Variants in TBL1XR1 observed in about 807,000 individuals in gnomAD.
TBL1XR1 encodes F-box-like/WD repeat-containing protein TBL1XR1.
TBL1XR1 carries 5 observed loss-of-function variants against 66.9 expected under a neutral mutation model. The ratio of observed to expected loss-of-function variants is 0.07; its 90% CI spans 0.04 to 0.16. The LOEUF (loss-of-function observed/expected upper bound fraction) is 0.16. Among genes scored for constraint, TBL1XR1 ranks in the 10% least tolerant of loss-of-function variants. TBL1XR1 has a pLI of 1.00. For synonymous variants in TBL1XR1, 210 were observed against 206.0 expected (o/e 1.02, Z -0.17); for missense variants, 238 against 623.2 (o/e 0.38, Z 6.58).
At chr3:177,135,307 C>CTG (rs376418228) in intron 1 of TBL1XR1, among the ~76,000 whole-genome samples, 847 of 72,566 alleles carry the variant, frequency 0.012, 35 homozygotes, top group African/African-American at 0.029. Flanking sequence ...AGGCCGCACT[C>CTG]TGTGTGTGTG....
At chr3:177,071,292 T>G (rs534270814) in intron 2 of TBL1XR1, among the ~76,000 whole-genome samples, 1 of 152,114 alleles carries the variant, frequency 6.6e-6, no homozygotes, top group Non-Finnish European at 1.5e-5. Context: ...ATCACCTGAA[T>G]AGATAGGAAC....
At chr3:177,031,675 C>G (rs1040562731) in intron 14 of TBL1XR1, among the ~76,000 whole-genome samples, 1 of 148,696 alleles carries the variant, frequency 6.7e-6, no homozygotes, top group South Asian at 2.1e-4. Context: ...CCTGTAATCC[C>G]AGCACTTTGG....
chr3:177,148,218 G>T (rs563002700), intron 1 of TBL1XR1, among the ~76,000 whole-genome samples: 2 of 152,312 alleles, frequency 1.3e-5, no homozygotes, highest in East Asian at 1.9e-4. Flanking sequence ...TAAGGATGTT[G>T]AAAGTTTAAG....
chr3:177,110,001 G>T lies in TBL1XR1; in HGVS notation c.-121-11460C>A, dbSNP rs1201298. On this transcript the variant is annotated intron_variant, in intron 1 of 15. Coordinates refer to ENST00000457928, the MANE Select transcript of TBL1XR1 (RefSeq NM_024665.7). The stretch of plus-strand genomic sequence containing the variant: ...GAACACTTCCTTATTCACAAAATAC[G>T]TCATTTATGTTTTAGTTACTCTAAT... Among the ~76,000 whole-genome samples, 621 of 152,048 alleles carry T rather than the reference G, an allele frequency of 4.1e-3. 6 individuals are homozygous for T. The highest frequency in any genetic ancestry group is 0.014 in the African/African-American group (578 of 41,464).
chr3:177,151,395 G>A (rs1253081155), intron 1 of TBL1XR1, among the ~76,000 whole-genome samples: 1 of 152,208 alleles, frequency 6.6e-6, no homozygotes, highest in Non-Finnish European at 1.5e-5. Flanking sequence ...AGTGGGGCCA[G>A]CATTACCACC....
At chr3:177,120,175 C>T (rs1726818833) in intron 1 of TBL1XR1, among the ~76,000 whole-genome samples, 1 of 152,114 alleles carries the variant, frequency 6.6e-6, no homozygotes, top group Non-Finnish European at 1.5e-5. Context: ...TAGGTCTTTA[C>T]CTCCAGTTAT....
intron 1 of TBL1XR1, among the ~76,000 whole-genome samples, chr3:177,126,340 CACA>C (rs1727630899): frequency 6.6e-6 from 1 of 152,202 alleles, no homozygotes; most frequent in African/African-American, 2.4e-5. Flanking sequence ...AATCATCTAA[CACA>C]ACAATATTCT....
intron 1 of TBL1XR1, among the ~76,000 whole-genome samples, chr3:177,119,980 G>A (rs143702601): frequency 2.6e-5 from 4 of 152,246 alleles, no homozygotes; most frequent in East Asian, 1.9e-4. Context: ...AAAATACTGC[G>A]TAAGGTGAAT....
At chr3:177,179,610 C>A in intron 1 of TBL1XR1, among the ~76,000 whole-genome samples, 1 of 152,162 alleles carries the variant, frequency 6.6e-6, no homozygotes, top group East Asian at 1.9e-4. Context: ...TATTCCTAAA[C>A]CCAACCTCAA....
chr3:177,184,978 G>A (rs901499154), intron 1 of TBL1XR1, among the ~76,000 whole-genome samples: 2 of 152,130 alleles, frequency 1.3e-5, no homozygotes, highest in African/African-American at 2.4e-5. Flanking sequence ...GAAAAGCACA[G>A]GAGAAATTAA....
chr3:177,087,687 A>G (rs1210763921), intron 2 of TBL1XR1, among the ~76,000 whole-genome samples: 1 of 138,480 alleles, frequency 7.2e-6, no homozygotes, highest in Non-Finnish European at 1.6e-5. Flanking sequence ...TTCTGTCTCA[A>G]GCAAAATTTT....
At chr3:177,064,775 A>G in intron 3 of TBL1XR1, 145 bp downstream of exon 3, 1 of 624,650 alleles carries the variant, frequency 1.6e-6, no homozygotes, top group Non-Finnish European at 2.8e-6. Context: ...CATGCAGTAA[A>G]ACATAGCTTT....
At chr3:177,182,885 C>T (rs979386817) in intron 1 of TBL1XR1, among the ~76,000 whole-genome samples, 2 of 152,080 alleles carry the variant, frequency 1.3e-5, no homozygotes, top group African/African-American at 4.8e-5. Context: ...ATATAAGAAA[C>T]TTTATATAAT....
chr3:177,178,597 A>T lies in TBL1XR1; in HGVS notation c.-122+18524T>A, dbSNP rs867736519. On this transcript the variant is annotated intron_variant, in intron 1 of 15. Transcript: ENST00000457928. ...GGAAGCACACTAAGCAGGTAATTCC[A>T]GCACTTTGGGATGCCCAGGCAGGCG... Among the ~76,000 whole-genome samples the T allele has an allele frequency of 3.9e-5, 6 of 152,324 alleles. 1 individual carries two copies. Among genetic ancestry groups the T allele is most frequent in the Middle Eastern group, 3.4e-3 (1 of 294 alleles).
chr3:177,158,637 T>C (rs1171524334), intron 1 of TBL1XR1, among the ~76,000 whole-genome samples: 1 of 152,122 alleles, frequency 6.6e-6, no homozygotes, highest in Non-Finnish European at 1.5e-5. Flanking sequence ...GTTGCTATGG[T>C]GTTGCTCCCA....
intron 6 of TBL1XR1, 121 bp downstream of exon 6, chr3:177,050,357 A>T (rs2108491713): frequency 7.4e-7 from 1 of 1,359,812 alleles, no homozygotes; most frequent in Non-Finnish European, 9.8e-7. Flanking sequence ...AGGAATAAAA[A>T]ATTTACAGAG....
chr3:177,099,504 G>A (rs894362126), intron 1 of TBL1XR1: 32 of 152,264 alleles, frequency 2.1e-4, no homozygotes, highest in Non-Finnish European at 5.9e-5. Flanking sequence ...CCACAGAAAG[G>A]AGTTTACTAC....
chr3:177,034,761 G>A (rs1370974031), intron 12 of TBL1XR1, among the ~76,000 whole-genome samples: 1 of 150,870 alleles, frequency 6.6e-6, no homozygotes, highest in Non-Finnish European at 1.5e-5. Context: ...ACAGAGAACC[G>A]TAAAAAGTAG....
chr3:177,152,221 T>C (rs1730975169), intron 1 of TBL1XR1, among the ~76,000 whole-genome samples: 1 of 152,222 alleles, frequency 6.6e-6, no homozygotes, highest in Non-Finnish European at 1.5e-5. Context: ...ACGGAACCTT[T>C]TAAGTTGCTA....
Sources: gnomAD v4.1 joint callset for allele counts (sites outside exome capture counted in the v4.1 genomes callset) on GRCh38, gnomAD v4.1.1 for gene constraint, MANE v1.5 for transcripts, NCBI Gene and HGNC (gene_info 2026-07-23, HGNC 2026-07-21) for gene names.